Variants in NCOA7 observed in about 807,000 individuals in gnomAD.
NCOA7 encodes the protein nuclear receptor coactivator 7.
A neutral mutation model predicts 104.3 loss-of-function variants in NCOA7; 45 were observed. That is an observed-to-expected ratio of 0.43 (90% CI 0.34 to 0.55). NCOA7 has a LOEUF of 0.55. Among genes scored for constraint, NCOA7 ranks in the 20% least tolerant of loss-of-function variants. NCOA7 has a pLI of 0.02. For missense variants in NCOA7, 1,041 were observed against 1,119.7 expected (o/e 0.93, Z 1.00); for synonymous variants, 398 against 402.3 (o/e 0.99, Z 0.13).
chr6:125,829,299 A>G (rs1778937599), intron 2 of NCOA7, among the ~76,000 whole-genome samples: 1 of 152,228 alleles, frequency 6.6e-6, no homozygotes, highest in Non-Finnish European at 1.5e-5. Flanking sequence ...AGACAGATGT[A>G]CAATGCTAGG....
intron 1 of NCOA7, among the ~76,000 whole-genome samples, chr6:125,784,894 T>A (rs1398007980): frequency 1.3e-5 from 2 of 152,136 alleles, no homozygotes; most frequent in Non-Finnish European, 2.9e-5. Context: ...GGAAGATCAG[T>A]ATGATTCTAA....
At chr6:125,809,913 A>G (rs1424173259) in intron 1 of NCOA7, among the ~76,000 whole-genome samples, 1 of 152,240 alleles carries the variant, frequency 6.6e-6, no homozygotes, top group Non-Finnish European at 1.5e-5. Context: ...CCAAAAAGCC[A>G]TGCTTTGCTA....
At chr6:125,892,266 C>T (rs1784677165) in intron 10 of NCOA7, among the ~76,000 whole-genome samples, 2 of 152,134 alleles carry the variant, frequency 1.3e-5, no homozygotes, top group Non-Finnish European at 2.9e-5. Context: ...CAACTGTCTG[C>T]ACCAAGGACT....
chr6:125,878,857 C>T (rs970066408), intron 5 of NCOA7, among the ~76,000 whole-genome samples: 8 of 152,158 alleles, frequency 5.3e-5, no homozygotes, highest in Non-Finnish European at 8.8e-5. Context: ...ACTTTCACCC[C>T]TGCCCATGAT....
chr6:125,859,712 T>G (rs1290476872), intron 3 of NCOA7, among the ~76,000 whole-genome samples: 5 of 152,200 alleles, frequency 3.3e-5, no homozygotes, highest in Admixed American at 3.3e-4. Flanking sequence ...AAATAATTAC[T>G]TTCTGTAGGT....
intron 11 of NCOA7, chr6:125,919,550 CAGGT>C: frequency 1.0e-6 from 1 of 992,958 alleles, no homozygotes; most frequent in Non-Finnish European, 1.5e-6. Flanking sequence ...TTTCTACCAG[CAGGT>C]GTTTTATTCA....
intron 2 of NCOA7, among the ~76,000 whole-genome samples, chr6:125,852,208 C>G (rs554347365): frequency 8.9e-4 from 135 of 151,962 alleles, no homozygotes; most frequent in African/African-American, 3.1e-3. Context: ...TTGTTTGTTT[C>G]TTTCTGAGAA....
chr6:125,921,211 A>C (rs892043570), intron 12 of NCOA7, 143 bp downstream of exon 12: 1 of 1,108,476 alleles, frequency 9.0e-7, no homozygotes. Flanking sequence ...GGAGTTTGAG[A>C]CCAGACTGGA....
intron 10 of NCOA7, among the ~76,000 whole-genome samples, chr6:125,900,413 T>G (rs1330054189): frequency 6.6e-6 from 1 of 152,232 alleles, no homozygotes; most frequent in Non-Finnish European, 1.5e-5. Flanking sequence ...AAGTAATCCT[T>G]TTTATAACCA....
intron 10 of NCOA7, among the ~76,000 whole-genome samples, chr6:125,901,586 A>G (rs949291451): frequency 1.3e-5 from 2 of 152,208 alleles, no homozygotes; most frequent in African/African-American, 2.4e-5. Context: ...ACCCTGTACC[A>G]GCCCATAGTA....
chr6:125,790,535 G>A (rs1774728163), upstream of NCOA7, among the ~76,000 whole-genome samples: 1 of 152,108 alleles, frequency 6.6e-6, no homozygotes, highest in Non-Finnish European at 1.5e-5. Context: ...CAGCAGCCGC[G>A]GGTAGCCGGG....
At chr6:125,886,902 G>A (rs905901796) in intron 8 of NCOA7, among the ~76,000 whole-genome samples, 68 of 152,344 alleles carry the variant, frequency 4.5e-4, no homozygotes, top group Admixed American at 7.8e-4. Flanking sequence ...GTGTATGTGC[G>A]CGTGCACACA....
chr6:125,929,848 G>A lies in NCOA7; in HGVS notation c.*1077G>A, dbSNP rs1225011158. The A allele has an allele frequency of 3.9e-5, 6 of 151,964 alleles. No homozygotes were observed. Among genetic ancestry groups the A allele is most frequent in the South Asian group, 2.1e-4 (1 of 4,828 alleles). 9.4% of individuals were successfully genotyped at this position (151,964 alleles called of 1,614,324 possible). On this transcript the variant is annotated 3_prime_UTR_variant, in exon 16 of 16. Transcript: ENST00000392477. ...AACTTTTCCAAGCTTTTACATTAACGAGCAGGCCTCTGTCTTAAAAGGGAC... is the reference window on the plus strand; with the variant it reads ...AACTTTTCCAAGCTTTTACATTAACAAGCAGGCCTCTGTCTTAAAAGGGAC...
intron 1 of NCOA7, among the ~76,000 whole-genome samples, chr6:125,814,163 AT>A (rs34175281): frequency 8.0e-4 from 121 of 151,504 alleles, no homozygotes; most frequent in Non-Finnish European, 1.5e-3. Context: ...ATATTTACTA[AT>A]TTTTTTTTGA....
intron 2 of NCOA7, among the ~76,000 whole-genome samples, chr6:125,829,432 A>G (rs1269417187): frequency 6.6e-6 from 1 of 152,230 alleles, no homozygotes; most frequent in South Asian, 2.1e-4. Context: ...AGTGAGGACC[A>G]ATCATTCATA....
At chr6:125,860,891 G>A (rs1318508387) in intron 3 of NCOA7, among the ~76,000 whole-genome samples, 2 of 152,150 alleles carry the variant, frequency 1.3e-5, no homozygotes, top group African/African-American at 4.8e-5. Context: ...ATTATGTAAT[G>A]TTTTAATATA....
At chr6:125,816,183 A>G (rs917457415) in intron 2 of NCOA7, among the ~76,000 whole-genome samples, 5 of 152,170 alleles carry the variant, frequency 3.3e-5, no homozygotes, top group Non-Finnish European at 7.3e-5. Flanking sequence ...ATTATTTTCT[A>G]AACATGAGCC....
At chr6:125,868,853 A>G (rs1402350721) in intron 3 of NCOA7, among the ~76,000 whole-genome samples, 4 of 152,198 alleles carry the variant, frequency 2.6e-5, no homozygotes, top group Admixed American at 2.0e-4. Flanking sequence ...CTGTGCTGTC[A>G]GCCTCCTGAA....
chr6:125,897,208 G>A (rs1244898531), intron 10 of NCOA7, among the ~76,000 whole-genome samples: 1 of 152,224 alleles, frequency 6.6e-6, no homozygotes, highest in Middle Eastern at 3.2e-3. Context: ...ATTTCCTGTA[G>A]TATAGTTCAT....
Sources: allele counts gnomAD v4.1 joint callset (sites outside exome capture counted in the v4.1 genomes callset), GRCh38; gene constraint gnomAD v4.1.1; transcripts MANE v1.5; gene names NCBI Gene and HGNC (gene_info 2026-07-23, HGNC 2026-07-21).